Variants in TMEM192 observed in about 807,000 individuals in gnomAD.
TMEM192 encodes transmembrane protein 192.
A neutral mutation model predicts 26.7 loss-of-function variants in TMEM192; 20 were observed. The ratio of observed to expected loss-of-function variants is 0.75; its 90% confidence interval spans 0.53 to 1.09. The LOEUF is 1.09. Ranked by LOEUF, TMEM192 falls within the 50% of genes least tolerant of loss-of-function variation. The pLI, the probability that TMEM192 is intolerant of heterozygous loss-of-function variation, is 0.00. For synonymous variants in TMEM192, 124 were observed against 121.0 expected, an observed-to-expected ratio of 1.02 and a Z score of -0.16; for missense variants, 304 against 322.6, an observed-to-expected ratio of 0.94 and a Z score of 0.44.
Position 165,079,707 on chromosome 4 carries a change from A to G in TMEM192, c.767T>C (p.Leu256Ser). The G allele has an allele frequency of 6.2e-7, 1 of 1,613,974 alleles. No homozygotes were observed. The highest frequency in any genetic ancestry group is 8.5e-7 in the Non-Finnish European group (1 of 1,179,944). ...KRHNALLSKR[L>S]LALTSSDLGC... ...CAGGTCTGAGGAAGTGAGAGCCAACAATCGCTTACTCAGCAGCGCATTGTG... is the reference window on the plus strand; with the variant it reads ...CAGGTCTGAGGAAGTGAGAGCCAACGATCGCTTACTCAGCAGCGCATTGTG... Residue 256 changes from leucine to serine, a missense_variant, in exon 6 of 6, where the codon TTG (leucine) becomes TCG (serine). Coordinates refer to ENST00000306480, the MANE Select transcript of TMEM192 (RefSeq NM_001100389.2).
Position 165,085,677 on chromosome 4 carries a change from T to C in TMEM192, c.586A>G (p.Arg196Gly). The C allele has an allele frequency of 6.2e-7, 1 of 1,600,050 alleles. No homozygotes were observed. The highest frequency in any genetic ancestry group is 8.5e-7 in the Non-Finnish European group (1 of 1,173,064). ...CLLIYTVKIR[R>G]FNKAKPEPDI... is the part of the protein sequence containing the mutation. ...GGCTCTGGTTTAGCTTTATTAAATCTCCGGATTTTCACTAAAATAATAAAG... is the reference window on the plus strand; with the variant it reads ...GGCTCTGGTTTAGCTTTATTAAATCCCCGGATTTTCACTAAAATAATAAAG... Residue 196 changes from arginine (R) to glycine (G), a missense_variant, in exon 5 of 6, where the codon AGA becomes GGA. Physicochemically the swap from Arg to Gly is moderately radical, Grantham distance 125. Coordinates refer to ENST00000306480, the MANE Select transcript of TMEM192 (RefSeq NM_001100389.2).
intron 3 of TMEM192, among the ~76,000 whole-genome samples, chr4:165,095,888 C>T (rs1186610851): frequency 6.6e-6 from 1 of 151,994 alleles, no homozygotes; most frequent in Non-Finnish European, 1.5e-5. Flanking sequence ...AATTCTCCTG[C>T]CTCAGCCTCC....
At chr4:165,107,553 A>AG (rs1456157765) in intron 1 of TMEM192, among the ~76,000 whole-genome samples, 1 of 151,878 alleles carries the variant, frequency 6.6e-6, no homozygotes, top group African/African-American at 2.4e-5. Context: ...CATGTTGCCC[A>AG]GGCTGGTCTT....
chr4:165,074,945 A>G lies in TMEM192; in HGVS notation c.*4713T>C, dbSNP rs566724461. The G allele has an allele frequency of 6.6e-6, 1 of 152,340 alleles. No homozygotes were observed. Among genetic ancestry groups the G allele is most frequent in the Non-Finnish European group, 1.5e-5 (1 of 68,034 alleles). The allele number at this position is 152,340 out of a possible 1,614,324, so 9.4% of individuals were successfully genotyped here. A position where few individuals can be genotyped will look rare whatever the true frequency, so the allele number is the denominator to read the frequency against. ...TAATAAGCAAAGGACTTGAATATAC[A>G]TGTCATAAAAGATTTATAAAAGACC... On this transcript the variant is annotated 3_prime_UTR_variant, in exon 6 of 6. Transcript: ENST00000306480.
intron 4 of TMEM192, 64 bp from the exon 5 acceptor site, chr4:165,085,752 A>G: frequency 1.6e-6 from 2 of 1,231,734 alleles, no homozygotes. Flanking sequence ...ATTTTTTCAA[A>G]TTATGCTAAT....
rs1050789486 is a variant in TMEM192, at chr4:165,077,305, AT to A, written c.*2352del. 7 of 152,220 alleles carry A rather than the reference AT, an allele frequency of 4.6e-5. No homozygotes were observed. The highest frequency in any genetic ancestry group is 1.7e-4 in the African/African-American group (7 of 41,458). The allele number at this position is 152,220 out of a possible 1,614,324, so 9.4% of individuals were successfully genotyped here. A position where few individuals can be genotyped will look rare whatever the true frequency, so the allele number is the denominator to read the frequency against. On this transcript the variant is annotated 3_prime_UTR_variant, in exon 6 of 6. Transcript: ENST00000306480. ...GATACTGACTATAGATCCAAATTAA[AT>A]TTTAAAAATAAATAAGAGTTAATCA...
chr4:165,084,316 A>C (rs1734559961), intron 5 of TMEM192, among the ~76,000 whole-genome samples: 1 of 151,674 alleles, frequency 6.6e-6, no homozygotes, highest in Admixed American at 6.6e-5. Flanking sequence ...CTCCTGCCTC[A>C]GCCTCTCAAG....
rs183695325 is a variant in TMEM192 at position 165,094,945 on chromosome 4, G to A, written c.439+5683C>T. 4.0e-5 allele frequency among the ~76,000 whole-genome samples: 6 copies of A among 151,014 alleles called. No homozygotes were observed. In the East Asian group the frequency reaches 1.2e-3, roughly 30 times the overall value. On this transcript the variant is annotated intron_variant, in intron 3 of 5. Transcript: ENST00000306480. ...GCCAAGATCGCACCACTGCTTTCCA[G>A]CCTGGGCAACAAGAGTGAAACTCAG...
rs1199458624 is a variant in TMEM192 at position 165,079,749 on chromosome 4, A to T, written c.725T>A (p.Ile242Asn). 1.2e-6 allele frequency: 2 copies of T among 1,613,998 alleles called. No homozygotes were observed. The highest frequency in any genetic ancestry group is 1.7e-6 in the Non-Finnish European group (2 of 1,180,008). ...EEIVEKQGDT[I>N]EYLKRHNALL... is the part of the protein sequence containing the mutation. ...CGCATTGTGTCGCTTCAGGTATTCA[A>T]TGGTGTCTCCTTGCTTTTCAACAAT... The change falls in exon 6 of 6, where the codon ATT becomes AAT. Residue 242 changes from isoleucine (I) to asparagine (N), a missense_variant. Physicochemically the swap from Ile to Asn is moderately radical, Grantham distance 149. Coordinates refer to ENST00000306480, the MANE Select transcript of TMEM192 (RefSeq NM_001100389.2).
chr4:165,112,178 G>A (rs1371130813), intron 1 of TMEM192, among the ~76,000 whole-genome samples: 1 of 152,194 alleles, frequency 6.6e-6, no homozygotes, highest in Non-Finnish European at 1.5e-5. Flanking sequence ...AACAACACAT[G>A]ACACTTTTTC....
chr4:165,107,012 T>A (rs760973731), intron 1 of TMEM192, among the ~76,000 whole-genome samples: 16 of 151,860 alleles, frequency 1.1e-4, no homozygotes, highest in African/African-American at 3.9e-4. Flanking sequence ...CTTCTCAGGA[T>A]TTTTTTTCTC....
rs547596608 is a variant in TMEM192, at chr4:165,108,054, T to C, written c.27+4693A>G. ...TCTTAGCATGCCTTGTCATTTTTTA[T>C]TGGATGCCAGATATTGCAAATTTTA... On this transcript the variant is annotated intron_variant, in intron 1 of 5. Transcript: ENST00000306480. 1.8e-3 allele frequency among the ~76,000 whole-genome samples: 270 copies of C among 152,274 alleles called. 1 individual carries two copies. Among genetic ancestry groups the C allele is most frequent in the African/African-American group, 6.2e-3 (257 of 41,562 alleles).
rs1485996917 is a variant in TMEM192, at chr4:165,079,746, TCA to T, written c.726_727del (p.Glu243IlefsTer11). ...CAGCGCATTGTGTCGCTTCAGGTAT[TCA>T]ATGGTGTCTCCTTGCTTTTCAACAA... is the stretch of plus-strand genomic sequence containing the variant. On this transcript the variant is annotated frameshift_variant, in exon 6 of 6. Coordinates refer to ENST00000306480, the MANE Select transcript of TMEM192 (RefSeq NM_001100389.2). LOFTEE classifies it low-confidence loss of function (END_TRUNC). The T allele has an allele frequency of 1.2e-6, 2 of 1,613,978 alleles. No homozygotes were observed. The highest frequency in any genetic ancestry group is 1.7e-6 in the Non-Finnish European group (2 of 1,179,994).
At chr4:165,099,990 C>T (rs1241120126) in intron 3 of TMEM192, among the ~76,000 whole-genome samples, 1 of 152,020 alleles carries the variant, frequency 6.6e-6, no homozygotes, top group Non-Finnish European at 1.5e-5. Flanking sequence ...CTCTCCCTAT[C>T]CTCAGAAATG....
intron 3 of TMEM192, among the ~76,000 whole-genome samples, chr4:165,093,385 G>A (rs1315991517): frequency 3.9e-5 from 6 of 151,992 alleles, no homozygotes; most frequent in African/African-American, 1.2e-4. Flanking sequence ...GTGAGCCACC[G>A]CGCCTGGCCA....
At chr4:165,092,263 T>C (rs2110763117) in intron 3 of TMEM192, among the ~76,000 whole-genome samples, 1 of 152,060 alleles carries the variant, frequency 6.6e-6, no homozygotes, top group South Asian at 2.1e-4. Flanking sequence ...CTGGGATTAC[T>C]GGCATGTGCC....
intron 1 of TMEM192, among the ~76,000 whole-genome samples, chr4:165,110,448 G>C (rs1450932594): frequency 2.6e-5 from 4 of 152,204 alleles, no homozygotes; most frequent in Non-Finnish European, 5.9e-5. Context: ...GGCCGGGCAC[G>C]GTGGCTCACG....
rs576652654 is a variant in TMEM192 at position 165,085,775 on chromosome 4, T to C, written c.575-87A>G. The C allele has an allele frequency of 6.3e-6, 6 of 948,556 alleles. No individual in the cohort carries two copies. In the Admixed American group the frequency reaches 9.2e-5, roughly 15 times the overall value. 58.8% of individuals were successfully genotyped at this position (948,556 alleles called of 1,614,324 possible). A position where few individuals can be genotyped will look rare whatever the true frequency, so the allele number is the denominator to read the frequency against. On this transcript the variant is annotated intron_variant, in intron 4 of 5. Transcript: ENST00000306480. Reference sequence around the variant, plus strand: ...AAATTATGCTAATTTGCCGTTCTTATTAACGTCCTTGAGTATTTCAAATTC... The same window carrying C: ...AAATTATGCTAATTTGCCGTTCTTACTAACGTCCTTGAGTATTTCAAATTC...
At chr4:165,090,213 G>GGAA (rs752886922) in intron 3 of TMEM192, among the ~76,000 whole-genome samples, 1,164 of 52,018 alleles carry the variant, frequency 0.022, 28 homozygotes, top group African/African-American at 0.047. Flanking sequence ...CTCCGTCTTG[G>GGAA]AAAAAAAAAA....
Sources: allele counts gnomAD v4.1 joint callset (sites outside exome capture counted in the v4.1 genomes callset), GRCh38; gene constraint gnomAD v4.1.1; transcripts MANE v1.5; gene names NCBI Gene and HGNC (gene_info 2026-07-23, HGNC 2026-07-21).